The following ACAP2 variants were observed in gnomAD, a reference collection of about 807,000 sequenced individuals.
ACAP2 encodes ArfGAP with coiled-coil, ankyrin repeat and PH domains 2, also known as arf-GAP with coiled-coil, ANK repeat and PH domain-containing protein 2.
In ACAP2, 39 loss-of-function variants were observed where a neutral mutation model predicts 115.8. That is an observed-to-expected ratio of 0.34 (90% CI 0.26 to 0.44). The LOEUF is 0.44. Ranked by LOEUF, ACAP2 falls within the 20% of genes least tolerant of loss-of-function variation. The pLI is 1.00. For missense variants in ACAP2, 662 were observed against 927.6 expected (o/e 0.71, Z 3.72); for synonymous variants, 289 against 315.8 (o/e 0.92, Z 0.90).
intron 1 of ACAP2, 114 bp downstream of exon 1, chr3:195,442,681 C>G: frequency 8.6e-7 from 1 of 1,164,724 alleles, no homozygotes; most frequent in South Asian, 1.6e-5. Flanking sequence ...CAGCCGCTCG[C>G]CCCGTCGGAA....
intron 2 of ACAP2, among the ~76,000 whole-genome samples, chr3:195,391,055 T>C (rs1184123991): frequency 6.6e-6 from 1 of 152,160 alleles, no homozygotes; most frequent in Admixed American, 6.5e-5. Context: ...TGAGTATCTA[T>C]AAGTATTTCT....
At chr3:195,431,267 A>G (rs1272428316) in intron 1 of ACAP2, among the ~76,000 whole-genome samples, 4 of 152,170 alleles carry the variant, frequency 2.6e-5, no homozygotes, top group East Asian at 1.9e-4. Context: ...TAGATACTTC[A>G]TATCTTATTT....
At chr3:195,282,996 G>T (rs2108891113) in intron 22 of ACAP2, among the ~76,000 whole-genome samples, 1 of 152,108 alleles carries the variant, frequency 6.6e-6, no homozygotes, top group East Asian at 1.9e-4. Context: ...GTCATCCTAT[G>T]CACGACCTTA....
intron 13 of ACAP2, among the ~76,000 whole-genome samples, chr3:195,303,191 C>G (rs1246240395): frequency 2.0e-5 from 3 of 151,542 alleles, no homozygotes; most frequent in African/African-American, 7.3e-5. Flanking sequence ...GAGTGAGACT[C>G]CAACCTGGGT....
intron 1 of ACAP2, among the ~76,000 whole-genome samples, chr3:195,427,058 T>G (rs374330777): frequency 6.6e-6 from 1 of 152,074 alleles, no homozygotes; most frequent in Non-Finnish European, 1.5e-5. Context: ...TATTCTGGAA[T>G]GTCAGCCCAA....
Position 195,329,091 on chromosome 3 carries a change from A to AG in ACAP2, c.670-2133_670-2132insC, listed in dbSNP as rs1553851471. On this transcript the variant is annotated intron_variant, in intron 8 of 22. Coordinates refer to ENST00000326793, the MANE Select transcript of ACAP2 (RefSeq NM_012287.6). Reference sequence around the variant, plus strand: ...TGAGACTCCGTCTCAAAAAAAAAAAAAAAGAAAGAAAGAAAAAAGAAATGT... The same window carrying AG: ...TGAGACTCCGTCTCAAAAAAAAAAAAGAAAGAAAGAAAGAAAAAAGAAATGT... Among the ~76,000 whole-genome samples the AG allele has an allele frequency of 3.9e-5, 6 of 151,936 alleles. No individual in the cohort carries two copies. In the South Asian group the frequency reaches 6.2e-4, roughly 16 times the overall value.
intron 13 of ACAP2, among the ~76,000 whole-genome samples, chr3:195,304,937 T>G (rs1316249063): frequency 6.6e-6 from 1 of 152,190 alleles, no homozygotes; most frequent in Non-Finnish European, 1.5e-5. Flanking sequence ...CATTGGTTGT[T>G]TATGGAACTA....
intron 1 of ACAP2, among the ~76,000 whole-genome samples, chr3:195,435,841 T>C (rs12486241): frequency 0.022 from 3,349 of 152,264 alleles, 117 homozygotes; most frequent in East Asian, 0.1. Context: ...GTATGAAGTG[T>C]TCTATAGATA....
intron 1 of ACAP2, among the ~76,000 whole-genome samples, chr3:195,417,778 T>C (rs1266216728): frequency 6.6e-6 from 1 of 151,948 alleles, no homozygotes; most frequent in African/African-American, 2.4e-5. Context: ...AGAAACTCCA[T>C]CTCTACAAAA....
chr3:195,398,290 C>T (rs1342396581), intron 1 of ACAP2, among the ~76,000 whole-genome samples: 1 of 152,158 alleles, frequency 6.6e-6, no homozygotes, highest in African/African-American at 2.4e-5. Flanking sequence ...TATATTTACA[C>T]TTAATCTTAG....
At chr3:195,364,297 T>C (rs1732566943) in intron 4 of ACAP2, among the ~76,000 whole-genome samples, 1 of 152,132 alleles carries the variant, frequency 6.6e-6, no homozygotes, top group South Asian at 2.1e-4. Context: ...AATAGACGTT[T>C]CTCAAAAAAG....
intron 1 of ACAP2, among the ~76,000 whole-genome samples, chr3:195,399,520 T>C (rs74934218): frequency 0.015 from 2,285 of 152,230 alleles, 66 homozygotes; most frequent in African/African-American, 0.053. Context: ...CGTTTGTATC[T>C]TTCTAAGCAA....
chr3:195,319,588 C>A (rs756614201), intron 10 of ACAP2, among the ~76,000 whole-genome samples: 16 of 152,238 alleles, frequency 1.1e-4, no homozygotes, highest in Non-Finnish European at 2.1e-4. Context: ...TAATGACTGC[C>A]TGGCTGGGTT....
Position 195,306,532 on chromosome 3 carries a change from T to C in ACAP2, c.1095A>G (p.Arg365=), listed in dbSNP as rs761214212. 6.2e-7 allele frequency: 1 copy of C among 1,611,944 alleles called. No individual in the cohort carries two copies. Among genetic ancestry groups the C allele is most frequent in the African/African-American group, 1.3e-5 (1 of 74,938 alleles). Residue 365 remains arginine, a synonymous_variant, in exon 13 of 23, where the codon AGA becomes AGG. Coordinates refer to ENST00000326793, the MANE Select transcript of ACAP2 (RefSeq NM_012287.6). ...TAACCTCTGATTCATCACCCTTCTCTCTATAAGCAGTAGCAATACTGGTCT... is the reference window on the plus strand; with the variant it reads ...TAACCTCTGATTCATCACCCTTCTCCCTATAAGCAGTAGCAATACTGGTCT... The part of the protein sequence containing the change: ...AVQTSIATAY[R]EKGDESEKLD...
At chr3:195,328,873 A>C (rs1311133604) in intron 8 of ACAP2, among the ~76,000 whole-genome samples, 1 of 152,236 alleles carries the variant, frequency 6.6e-6, no homozygotes, top group Admixed American at 6.5e-5. Context: ...AGGTCAGTAG[A>C]TCGAGACCAT....
intron 9 of ACAP2, among the ~76,000 whole-genome samples, chr3:195,325,089 C>A (rs1431739323): frequency 6.6e-6 from 1 of 152,104 alleles, no homozygotes; most frequent in Non-Finnish European, 1.5e-5. Context: ...ATCTACTGAT[C>A]AAATGGGCCA....
intron 11 of ACAP2, 73 bp downstream of exon 11, chr3:195,308,713 A>C: frequency 8.1e-7 from 1 of 1,228,334 alleles, no homozygotes; most frequent in South Asian, 1.3e-5. Flanking sequence ...GTATGTATAG[A>C]CTTCAATGTT....
intron 2 of ACAP2, among the ~76,000 whole-genome samples, chr3:195,385,777 C>A (rs1436777850): frequency 6.6e-6 from 1 of 152,176 alleles, no homozygotes; most frequent in Non-Finnish European, 1.5e-5. Context: ...TTTCACCAAA[C>A]AGTTGTGTAA....
chr3:195,325,399 G>C (rs753805627), intron 9 of ACAP2: 1 of 364,250 alleles, frequency 2.7e-6, no homozygotes, highest in South Asian at 2.0e-5. Context: ...CTTTCCCTTA[G>C]TTTTTAGTGG....
Sources: allele counts gnomAD v4.1 joint callset (sites outside exome capture counted in the v4.1 genomes callset), GRCh38; gene constraint gnomAD v4.1.1; transcripts MANE v1.5; gene names NCBI Gene and HGNC (gene_info 2026-07-23, HGNC 2026-07-21).